PDZD2: variants seen among roughly 807,000 people sequenced by gnomAD.
PDZD2 encodes the protein PDZ domain containing 2.
A neutral mutation model predicts 220.7 loss-of-function variants in PDZD2; 90 were observed. The observed-to-expected ratio is 0.41, with a 90% CI of 0.34 to 0.49. PDZD2 has a LOEUF of 0.49. PDZD2 is among the 20% of genes least tolerant of loss of function. The pLI is 0.28. For synonymous variants in PDZD2, 1,375 were observed against 1,450.5 expected (o/e 0.95, Z 1.18); for missense variants, 3,174 against 3,608.5 (o/e 0.88, Z 3.08).
At chr5:31,773,372 C>T (rs143358713) in intron 1 of PDZD2, among the ~76,000 whole-genome samples, 432 of 152,106 alleles carry the variant, frequency 2.8e-3, no homozygotes, top group African/African-American at 0.01. Context: ...GACGCGGTGG[C>T]TCATGCCTGT....
intron 2 of PDZD2, chr5:31,936,495 T>G (rs1017723046): frequency 1.2e-5 from 3 of 256,206 alleles, no homozygotes; most frequent in African/African-American, 2.3e-5. Context: ...TGTGCTGATA[T>G]CTGCCCAAGC....
At position 32,087,627 on chromosome 5, in the gene PDZD2, C is replaced by G. The variant is rs749477228; in HGVS notation, c.4179C>G (p.Ser1393Arg). ...TGTCCTCAAGGGCACCGCAGGCCAG[C>G]CTCTCCATGCTGCCATCCACTGACA... ...DSVSSRAPQA[S>R]LSMLPSTDNT... Residue 1393 changes from serine to arginine, a missense_variant, in exon 20 of 25, where the codon AGC becomes AGG. Coordinates refer to ENST00000438447, the MANE Select transcript of PDZD2 (RefSeq NM_178140.4). This position sits in a 1 kb window ranked among gnomAD's most constrained non-coding sequence, Gnocchi z 4.0. The G allele has an allele frequency of 6.2e-7, 1 of 1,614,188 alleles. No individual in the cohort carries two copies. Among genetic ancestry groups the G allele is most frequent in the East Asian group, 2.2e-5 (1 of 44,882 alleles).
At chr5:32,029,157 G>A (rs1449570822) in intron 6 of PDZD2, among the ~76,000 whole-genome samples, 2 of 151,802 alleles carry the variant, frequency 1.3e-5, no homozygotes, top group Non-Finnish European at 2.9e-5. Flanking sequence ...TTACTTTTTA[G>A]TGATATGCAA....
intron 20 of PDZD2, among the ~76,000 whole-genome samples, chr5:32,091,766 C>T (rs1002653041): frequency 6.6e-6 from 1 of 152,094 alleles, no homozygotes; most frequent in Non-Finnish European, 1.5e-5. Context: ...TTTTAGTGCC[C>T]TTGGTTTTTA....
intron 1 of PDZD2, among the ~76,000 whole-genome samples, chr5:31,641,242 G>A (rs1744936291): frequency 6.6e-6 from 1 of 152,206 alleles, no homozygotes; most frequent in African/African-American, 2.4e-5. Flanking sequence ...CTATGGTGCA[G>A]ACCAGTGCAC....
chr5:31,651,602 C>T (rs566526433), intron 1 of PDZD2, among the ~76,000 whole-genome samples: 43 of 151,684 alleles, frequency 2.8e-4, no homozygotes, highest in Non-Finnish European at 4.0e-4. Context: ...GAAAGTTGTG[C>T]GCTAGGATAG....
At chr5:31,942,752 G>A (rs534259573) in intron 2 of PDZD2, among the ~76,000 whole-genome samples, 1 of 152,366 alleles carries the variant, frequency 6.6e-6, no homozygotes, top group Non-Finnish European at 1.5e-5. Context: ...GCCTCATGGT[G>A]TCGTGACTAC....
chr5:31,969,183 T>G (rs74511856), intron 2 of PDZD2, among the ~76,000 whole-genome samples: 208 of 151,474 alleles, frequency 1.4e-3, no homozygotes, highest in Admixed American at 2.6e-3. Context: ...GTTAGGAAAG[T>G]GAGAAGGAAA....
intron 1 of PDZD2, among the ~76,000 whole-genome samples, chr5:31,672,043 C>T (rs936619395): frequency 6.6e-6 from 1 of 152,166 alleles, no homozygotes; most frequent in Non-Finnish European, 1.5e-5. Flanking sequence ...GGAGGTTTAG[C>T]AGCATCCTTG....
At chr5:32,095,978 T>C (rs1308208567) in intron 21 of PDZD2, among the ~76,000 whole-genome samples, 4 of 150,136 alleles carry the variant, frequency 2.7e-5, no homozygotes, top group African/African-American at 4.9e-5. Flanking sequence ...CTCCTGACCA[T>C]GTGAACCACC....
Position 31,983,551 on chromosome 5 carries a change from G to A in PDZD2, c.873G>A (p.Glu291=), listed in dbSNP as rs370386040. The A allele has an allele frequency of 1.2e-6, 2 of 1,614,052 alleles. No homozygotes were observed. Among genetic ancestry groups the A allele is most frequent in the Non-Finnish European group, 1.7e-6 (2 of 1,180,026 alleles). ...LERSEVDRGT[E]HRIPKTDAPL... The stretch of plus-strand genomic sequence containing the variant: ...GGTCAGAAGTGGACAGAGGGACAGA[G>A]CATAGAATTCCAAAGACAGATGCTC... The change falls in exon 3 of 25, where the codon GAG becomes GAA. Residue 291 remains glutamate, a synonymous_variant. Transcript: ENST00000438447.
At chr5:31,734,288 T>A (rs1174120742) in intron 1 of PDZD2, among the ~76,000 whole-genome samples, 1 of 152,122 alleles carries the variant, frequency 6.6e-6, no homozygotes, top group South Asian at 2.1e-4. Flanking sequence ...AATCTGGAAG[T>A]ACTCCAGACC....
intron 1 of PDZD2, among the ~76,000 whole-genome samples, chr5:31,748,442 G>A (rs1177243833): frequency 1.3e-5 from 2 of 152,188 alleles, no homozygotes; most frequent in Non-Finnish European, 2.9e-5. Context: ...CTGTTTCAGA[G>A]ACAATATCCC....
At chr5:31,862,272 T>C (rs1287587161) in intron 2 of PDZD2, among the ~76,000 whole-genome samples, 2 of 136,842 alleles carry the variant, frequency 1.5e-5, no homozygotes, top group African/African-American at 2.5e-5. Flanking sequence ...ACCCGGCTAA[T>C]TTTTTTATTT....
At chr5:32,075,689 T>C (rs780501236) in intron 18 of PDZD2, among the ~76,000 whole-genome samples, 19 of 152,196 alleles carry the variant, frequency 1.2e-4, no homozygotes, top group Non-Finnish European at 2.4e-4. Context: ...TCAATGTTGT[T>C]TATAATCTCC....
chr5:31,910,253 T>C (rs1034066696), intron 2 of PDZD2, among the ~76,000 whole-genome samples: 3 of 141,564 alleles, frequency 2.1e-5, no homozygotes, highest in Non-Finnish European at 4.6e-5. Flanking sequence ...TTAGTCTTGC[T>C]CTGTCGCCCA....
At chr5:32,019,038 C>G (rs1753988905) in intron 6 of PDZD2, among the ~76,000 whole-genome samples, 1 of 151,874 alleles carries the variant, frequency 6.6e-6, no homozygotes, top group South Asian at 2.1e-4. Context: ...GTGGCACACT[C>G]TCAGGGGCCT....
At chr5:31,855,964 G>A (rs1048456406) in intron 2 of PDZD2, among the ~76,000 whole-genome samples, 3 of 152,208 alleles carry the variant, frequency 2.0e-5, no homozygotes, top group Non-Finnish European at 4.4e-5. Flanking sequence ...TGGGAACCAT[G>A]TCTGGGAGAA....
At chr5:31,742,484 G>A (rs1006107480) in intron 1 of PDZD2, among the ~76,000 whole-genome samples, 10 of 149,882 alleles carry the variant, frequency 6.7e-5, no homozygotes, top group African/African-American at 2.5e-4. Context: ...CCCAGTTGGA[G>A]CCCATCACTA....
Sources: gnomAD v4.1 joint callset for allele counts (sites outside exome capture counted in the v4.1 genomes callset) on GRCh38, gnomAD v4.1.1 for gene constraint, Gnocchi (gnomAD v3.1) non-coding constraint, MANE v1.5 for transcripts, NCBI Gene and HGNC (gene_info 2026-07-23, HGNC 2026-07-21) for gene names.